CTNND2: variants seen among roughly 807,000 people sequenced by gnomAD.
The protein encoded by CTNND2 is catenin delta-2.
CTNND2 carries 22 observed loss-of-function variants against 144.4 expected under a neutral mutation model. That is an observed-to-expected ratio of 0.15 (90% CI 0.11 to 0.22). CTNND2 has a LOEUF of 0.22. CTNND2 is among the 10% of genes least tolerant of loss of function. The pLI, the probability that CTNND2 is intolerant of heterozygous loss-of-function variation, is 1.00. For missense variants in CTNND2, 1,353 were observed against 1,618.8 expected, an observed-to-expected ratio of 0.84 and a Z score of 2.82; for synonymous variants, 751 against 695.6, an observed-to-expected ratio of 1.08 and a Z score of -1.25.
chr5:11,668,028 T>TC (rs772367822), intron 2 of CTNND2, among the ~76,000 whole-genome samples: 5 of 152,240 alleles, frequency 3.3e-5, no homozygotes, highest in Non-Finnish European at 5.9e-5. Flanking sequence ...GGGAATCCTT[T>TC]CCCCATTGCT....
At chr5:11,633,688 A>G (rs1486988022) in intron 2 of CTNND2, among the ~76,000 whole-genome samples, 3 of 151,572 alleles carry the variant, frequency 2.0e-5, no homozygotes, top group East Asian at 1.9e-4. Flanking sequence ...AGGCAGGAGA[A>G]TTTCTTGAAC....
At chr5:11,017,840 G>C (rs2302179) in intron 18 of CTNND2, 134 bp downstream of exon 18, 20 of 677,110 alleles carry the variant, frequency 3.0e-5, no homozygotes, top group Admixed American at 4.7e-5. Context: ...CTCTTTTCTG[G>C]CTTCTTCACT....
chr5:11,785,438 A>G (rs1312700976), intron 1 of CTNND2, among the ~76,000 whole-genome samples: 1 of 152,230 alleles, frequency 6.6e-6, no homozygotes, highest in Non-Finnish European at 1.5e-5. Flanking sequence ...CATCAAATAT[A>G]AAATGTTATT....
intron 3 of CTNND2, among the ~76,000 whole-genome samples, chr5:11,527,420 A>G (rs1773353460): frequency 6.6e-6 from 1 of 152,130 alleles, no homozygotes; most frequent in South Asian, 2.1e-4. Context: ...TCTCCACTGC[A>G]TCCCGCACAA....
At chr5:11,475,251 T>C (rs1767610177) in intron 3 of CTNND2, among the ~76,000 whole-genome samples, 2 of 152,234 alleles carry the variant, frequency 1.3e-5, no homozygotes, top group Non-Finnish European at 2.9e-5. Flanking sequence ...AGGGGCTAAA[T>C]GACTTGTCAA....
rs778134907 is a variant in CTNND2, at chr5:11,102,970, A to ATTTTTTTT, written c.2464-4230_2464-4223dup. Among the ~76,000 whole-genome samples, 57 of 84,088 alleles carry ATTTTTTTT rather than the reference A, an allele frequency of 6.8e-4. 5 individuals are homozygous for ATTTTTTTT. The highest frequency in any genetic ancestry group is 2.1e-3 in the African/African-American group (41 of 19,304). The allele number at this position is 84,088 out of a possible 152,430, so 55.2% of individuals were successfully genotyped here. On this transcript the variant is annotated intron_variant, in intron 14 of 21. Transcript: ENST00000304623. The stretch of plus-strand genomic sequence containing the variant: ...GCAGGGCTTAAATTCTATTTAAAAG[A>ATTTTTTTT]TTTTTTTTTTTTTTTTTTTTTTTTT...
intron 10 of CTNND2, 42 bp from the exon 11 acceptor site, chr5:11,199,703 G>A (rs367755124): frequency 4.0e-4 from 599 of 1,481,962 alleles, no homozygotes; most frequent in Non-Finnish European, 5.2e-4. Flanking sequence ...ACAGTGTAAG[G>A]TTTCCCTACC....
At chr5:11,674,610 T>G (rs1159961335) in intron 2 of CTNND2, among the ~76,000 whole-genome samples, 7 of 152,258 alleles carry the variant, frequency 4.6e-5, no homozygotes, top group African/African-American at 1.2e-4. Context: ...ACAACATGCA[T>G]AGATAAACTC....
intron 11 of CTNND2, among the ~76,000 whole-genome samples, chr5:11,171,624 CCACTTGGGGAGACCAAATTA>C (rs1377870999): frequency 6.6e-6 from 1 of 152,126 alleles, no homozygotes; most frequent in Non-Finnish European, 1.5e-5. Flanking sequence ...TAGTAAGAGT[CCACTTGGGGAGACCAAATTA>C]CACTTGCCCA....
chr5:11,000,520 C>CAAGA (rs1739841249), intron 18 of CTNND2, among the ~76,000 whole-genome samples: 1 of 152,022 alleles, frequency 6.6e-6, no homozygotes, highest in Admixed American at 6.6e-5. Flanking sequence ...AACTCTGTCT[C>CAAGA]AAGAAAGAAA....
intron 12 of CTNND2, among the ~76,000 whole-genome samples, chr5:11,123,816 C>T: frequency 6.6e-6 from 1 of 152,204 alleles, no homozygotes; most frequent in East Asian, 1.9e-4. Context: ...AGGTAGAGTA[C>T]TTCTTGAATG....
At chr5:11,308,449 C>CAA (rs111996095) in intron 9 of CTNND2, among the ~76,000 whole-genome samples, 3,024 of 151,774 alleles carry the variant, frequency 0.02, 92 homozygotes, top group African/African-American at 0.069. Context: ...ACTTTATTTA[C>CAA]AAAAAAAACA....
At chr5:11,551,024 CT>C (rs1170814720) in intron 3 of CTNND2, among the ~76,000 whole-genome samples, 1 of 152,168 alleles carries the variant, frequency 6.6e-6, no homozygotes, top group Non-Finnish European at 1.5e-5. Flanking sequence ...GACCTACCTC[CT>C]GGGTAAGGCC....
intron 1 of CTNND2, among the ~76,000 whole-genome samples, chr5:11,877,987 A>C (rs537961574): frequency 1.1e-3 from 162 of 152,278 alleles, no homozygotes; most frequent in African/African-American, 3.8e-3. Context: ...TGGCAGAAAC[A>C]AATAAATATA....
Position 11,265,698 on chromosome 5 carries a change from ATTTTTTTTT to A in CTNND2, c.1629-28884_1629-28876del, listed in dbSNP as rs5865929. On this transcript the variant is annotated intron_variant, in intron 9 of 21. Transcript: ENST00000304623. ...CTCAGCATCACTGTATGTATTCTCT[ATTTTTTTTT>A]TTTTTTTTTTTTTTTTGAGATGGAG... Among the ~76,000 whole-genome samples, 23 of 77,418 alleles carry A rather than the reference ATTTTTTTTT, an allele frequency of 3.0e-4. 1 individual carries two copies. The highest frequency in any genetic ancestry group is 1.6e-3 in the Admixed American group (9 of 5,470). The allele number at this position is 77,418 out of a possible 152,430, so 50.8% of individuals were successfully genotyped here.
chr5:11,725,104 T>C (rs982816888), intron 2 of CTNND2, among the ~76,000 whole-genome samples: 12 of 152,202 alleles, frequency 7.9e-5, no homozygotes, highest in Middle Eastern at 3.2e-3. Flanking sequence ...GGGCATGAAC[T>C]TGCACGTGCG....
chr5:11,203,696 T>A (rs1303559521), intron 10 of CTNND2, among the ~76,000 whole-genome samples: 1 of 152,204 alleles, frequency 6.6e-6, no homozygotes, highest in African/African-American at 2.4e-5. Context: ...TCTTTAAAAG[T>A]CAAATCTTGA....
At chr5:11,765,398 C>T (rs925548667) in intron 1 of CTNND2, among the ~76,000 whole-genome samples, 1 of 152,088 alleles carries the variant, frequency 6.6e-6, no homozygotes, top group Admixed American at 6.5e-5. Flanking sequence ...AGGTTCCAGG[C>T]TGCCAGGTGG....
At chr5:11,090,984 T>G (rs554144102) in intron 15 of CTNND2, among the ~76,000 whole-genome samples, 1 of 152,278 alleles carries the variant, frequency 6.6e-6, no homozygotes, top group African/African-American at 2.4e-5. Flanking sequence ...GCACCTTGGT[T>G]TTATTTCTTC....
Sources: gnomAD v4.1 joint callset for allele counts (sites outside exome capture counted in the v4.1 genomes callset) on GRCh38, gnomAD v4.1.1 for gene constraint, MANE v1.5 for transcripts, NCBI Gene and HGNC (gene_info 2026-07-23, HGNC 2026-07-21) for gene names.